The following RBM38 variants were observed in gnomAD, a reference collection of about 807,000 sequenced individuals.
The protein encoded by RBM38 is RNA binding motif protein 38.
Under a neutral mutation model 23.5 loss-of-function variants are expected in RBM38, and 11 were observed. The observed-to-expected ratio is 0.47, with a 90% confidence interval of 0.29 to 0.77. The LOEUF is 0.77. RBM38 is among the 30% of genes least tolerant of loss of function. RBM38 has a pLI of 0.08. For synonymous variants in RBM38, 165 were observed against 166.1 expected, an observed-to-expected ratio of 0.99 and a Z score of 0.05; for missense variants, 330 against 351.9, an observed-to-expected ratio of 0.94 and a Z score of 0.50.
At position 57,407,949 on chromosome 20, in the gene RBM38, T is replaced by C. The variant is rs2067405272; in HGVS notation, c.*103T>C. On this transcript the variant is annotated 3_prime_UTR_variant, in exon 4 of 4. Coordinates refer to ENST00000356208, the MANE Select transcript of RBM38 (RefSeq NM_017495.6). This position sits in a 1 kb window ranked among gnomAD's most constrained non-coding sequence, Gnocchi z 4.0. ...ACAGCCCGGCTGAGCTTCAGTGAGG[T>C]GCCACCAGCACCCGTGCCTCCGAAG... The C allele has an allele frequency of 2.8e-6, 4 of 1,407,754 alleles. No homozygotes were observed. The highest frequency in any genetic ancestry group is 3.8e-6 in the Non-Finnish European group (4 of 1,054,748). The allele number at this position is 1,407,754 out of a possible 1,614,324, so 87.2% of individuals were successfully genotyped here.
rs150372621 is a variant in RBM38, at chr20:57,394,394, C to T, written c.416+1061C>T. 8.6e-3 allele frequency among the ~76,000 whole-genome samples: 1,310 copies of T among 152,110 alleles called. 17 individuals carry two copies. Among genetic ancestry groups the T allele is most frequent in the African/African-American group, 0.025 (1,034 of 41,514 alleles). Reference sequence around the variant, plus strand: ...GAGGCCCCAGCAGAAGTTGCTGTGCCCACTTTTTGGGAACGCTTGGGGTGA... The same window carrying T: ...GAGGCCCCAGCAGAAGTTGCTGTGCTCACTTTTTGGGAACGCTTGGGGTGA... On this transcript the variant is annotated intron_variant, in intron 3 of 3. Coordinates refer to ENST00000356208, the MANE Select transcript of RBM38 (RefSeq NM_017495.6).
chr20:57,408,147 C>T lies in RBM38; in HGVS notation c.*301C>T. On this transcript the variant is annotated 3_prime_UTR_variant, in exon 4 of 4. Coordinates refer to ENST00000356208, the MANE Select transcript of RBM38 (RefSeq NM_017495.6). ...CCTCTCCTTGCACCTTCTCCTGCCT[C>T]TCCACACTCCAGGTTCCCTCAGGCT... The T allele has an allele frequency of 2.1e-6, 1 of 476,352 alleles. No homozygotes were observed. The highest frequency in any genetic ancestry group is 3.9e-6 in the Non-Finnish European group (1 of 258,802). The allele number at this position is 476,352 out of a possible 1,614,324, so 29.5% of individuals were successfully genotyped here.
At chr20:57,403,335 G>A (rs934207779) in intron 3 of RBM38, among the ~76,000 whole-genome samples, 2 of 152,216 alleles carry the variant, frequency 1.3e-5, no homozygotes, top group African/African-American at 4.8e-5. Flanking sequence ...ACCCTAGGAG[G>A]GAGAGAAGCT....
intron 3 of RBM38, among the ~76,000 whole-genome samples, chr20:57,401,303 G>A (rs2067325697): frequency 6.6e-6 from 1 of 152,198 alleles, no homozygotes; most frequent in Non-Finnish European, 1.5e-5. Context: ...GGTCACCCGG[G>A]GCCGCCAGGC....
At chr20:57,393,754 A>G (rs1376692032) in intron 3 of RBM38, among the ~76,000 whole-genome samples, 3 of 152,068 alleles carry the variant, frequency 2.0e-5, no homozygotes, top group Non-Finnish European at 4.4e-5. Flanking sequence ...CACCTGTTCT[A>G]GTGCTGGGGC....
chr20:57,392,523 C>T (rs921846115), intron 1 of RBM38, 131 bp from the exon 2 acceptor site: 4 of 1,521,466 alleles, frequency 2.6e-6, no homozygotes, highest in South Asian at 2.5e-5. Flanking sequence ...GGCTCAAGGA[C>T]CCTGGGTCAC....
intron 3 of RBM38, among the ~76,000 whole-genome samples, chr20:57,406,214 C>T (rs1164705731): frequency 1.3e-5 from 2 of 152,224 alleles, no homozygotes; most frequent in African/African-American, 4.8e-5. Flanking sequence ...GGCTTAGCGG[C>T]TTGCCCCAGG....
At chr20:57,392,951 C>T in intron 2 of RBM38, 174 bp downstream of exon 2, 1 of 896,242 alleles carries the variant, frequency 1.1e-6, no homozygotes, top group Non-Finnish European at 1.7e-6. Flanking sequence ...GACCCCTTCT[C>T]ACAGCGTGTG....
chr20:57,397,885 G>A (rs1399134079), intron 3 of RBM38, among the ~76,000 whole-genome samples: 1 of 152,244 alleles, frequency 6.6e-6, no homozygotes, highest in Non-Finnish European at 1.5e-5. Flanking sequence ...CAGGAAGCTG[G>A]CGGAATGAGT....
chr20:57,392,943 C>T, intron 2 of RBM38, 166 bp downstream of exon 2: 3 of 932,944 alleles, frequency 3.2e-6, no homozygotes, highest in Non-Finnish European at 4.7e-6. Context: ...AGGATCTAGA[C>T]CCCTTCTCAC....
At chr20:57,393,585 C>T (rs919011492) in intron 3 of RBM38, among the ~76,000 whole-genome samples, 1 of 152,204 alleles carries the variant, frequency 6.6e-6, no homozygotes. Flanking sequence ...AGGTGTGTGG[C>T]CTCAGTTTCC....
Position 57,407,606 on chromosome 20 carries a change from C to G in RBM38, c.480C>G (p.Ala160=). 1 of 1,613,778 alleles carries G rather than the reference C, an allele frequency of 6.2e-7. No homozygotes were observed. Among genetic ancestry groups the G allele is most frequent in the Non-Finnish European group, 8.5e-7 (1 of 1,179,868 alleles). The change falls in exon 4 of 4, where the codon GCC becomes GCG. Residue 160 remains alanine, a synonymous_variant. Coordinates refer to ENST00000356208, the MANE Select transcript of RBM38 (RefSeq NM_017495.6). The surrounding 1 kb of genome is among the most constrained non-coding windows in gnomAD (Gnocchi z 4.0). ...AGCCCAGCGTGGTGATCCCAGCCGC[C>G]CCTGTCCCGTCGCTGTCCTCGCCCT... The part of the protein sequence containing the change: ...IVQPSVVIPA[A]PVPSLSSPYI...
intron 1 of RBM38, 47 bp downstream of exon 1, chr20:57,391,865 C>T (rs752447485): frequency 2.2e-6 from 3 of 1,357,958 alleles, no homozygotes; most frequent in African/African-American, 3.1e-5. Flanking sequence ...CACACCTTAT[C>T]GCGGCCCGGG....
chr20:57,405,113 C>T (rs939860908), intron 3 of RBM38, among the ~76,000 whole-genome samples: 3 of 152,212 alleles, frequency 2.0e-5, no homozygotes, highest in South Asian at 2.1e-4. Flanking sequence ...CTGCAGGCAT[C>T]CCCTCCTTCA....
chr20:57,407,190 G>A lies in RBM38; in HGVS notation c.417-353G>A, dbSNP rs950595897. ...GGCCCTGCTCTTGATCGCATGCTCC[G>A]CCGTCGTGGCTTCAAACTCTCAATC... On this transcript the variant is annotated intron_variant, in intron 3 of 3. Coordinates refer to ENST00000356208, the MANE Select transcript of RBM38 (RefSeq NM_017495.6). This position sits in a 1 kb window ranked among gnomAD's most constrained non-coding sequence, Gnocchi z 4.0. Among the ~76,000 whole-genome samples, 23 of 152,248 alleles carry A rather than the reference G, an allele frequency of 1.5e-4. No homozygotes were observed. Among genetic ancestry groups the A allele is most frequent in the Middle Eastern group, 3.4e-3 (1 of 294 alleles).
At chr20:57,397,466 G>T (rs1365328779) in intron 3 of RBM38, among the ~76,000 whole-genome samples, 2 of 152,204 alleles carry the variant, frequency 1.3e-5, no homozygotes, top group Non-Finnish European at 2.9e-5. Context: ...CCCTCTCCCA[G>T]GCATGTGCCT....
At position 57,400,608 on chromosome 20, in the gene RBM38, C is replaced by T. The variant is rs539202305; in HGVS notation, c.417-6935C>T. On this transcript the variant is annotated intron_variant, in intron 3 of 3. Coordinates refer to ENST00000356208, the MANE Select transcript of RBM38 (RefSeq NM_017495.6). ...CTAGGTGCCTGTGCCCAGTGTCCAG[C>T]GTTGCAGTGGGGCTTGGGTGGCATG... is the stretch of plus-strand genomic sequence containing the variant. 2.3e-4 allele frequency among the ~76,000 whole-genome samples: 35 copies of T among 152,276 alleles called. 1 individual carries two copies. In the South Asian group the frequency reaches 5.8e-3, roughly 25 times the overall value.
chr20:57,406,709 G>A (rs1167539308), intron 3 of RBM38, among the ~76,000 whole-genome samples: 1 of 152,170 alleles, frequency 6.6e-6, no homozygotes, highest in Admixed American at 6.5e-5. Flanking sequence ...GAAACCCTGT[G>A]AGGGCTGGGC....
rs1234962831 is a variant in RBM38, at chr20:57,408,447, G to T, written c.*601G>T. 1 of 152,758 alleles carries T rather than the reference G, an allele frequency of 6.5e-6. No homozygotes were observed. Among genetic ancestry groups the T allele is most frequent in the Non-Finnish European group, 1.5e-5 (1 of 68,398 alleles). 9.5% of individuals were successfully genotyped at this position (152,758 alleles called of 1,614,324 possible). A position where few individuals can be genotyped will look rare whatever the true frequency, so the allele number is the denominator to read the frequency against. On this transcript the variant is annotated 3_prime_UTR_variant, in exon 4 of 4. Transcript: ENST00000356208. ...CGCACAGGGGCCGCCGGTAACAGGG[G>T]CCGCCGGCCAAAGGCCCCTTTCCAG...
Sources: allele counts gnomAD v4.1 joint callset (sites outside exome capture counted in the v4.1 genomes callset), GRCh38; gene constraint gnomAD v4.1.1; non-coding constraint Gnocchi (gnomAD v3.1); transcripts MANE v1.5; gene names NCBI Gene and HGNC (gene_info 2026-07-23, HGNC 2026-07-21).